The following CACNA2D1 variants were observed in gnomAD, a reference collection of about 807,000 sequenced individuals.
The protein encoded by CACNA2D1 is voltage-dependent calcium channel subunit alpha-2/delta-1.
A neutral mutation model predicts 171.5 loss-of-function variants in CACNA2D1; 53 were observed. That is an observed-to-expected ratio of 0.31 (90% CI 0.25 to 0.39). CACNA2D1 has a LOEUF of 0.39. Ranked by LOEUF, CACNA2D1 falls within the 10% of genes least tolerant of loss-of-function variation. The pLI is 1.00. For synonymous variants in CACNA2D1, 442 were observed against 443.1 expected (o/e 1.00, Z 0.03); for missense variants, 903 against 1,299.8 (o/e 0.69, Z 4.69).
At chr7:81,986,189 C>T (rs1415107036) in intron 21 of CACNA2D1, among the ~76,000 whole-genome samples, 1 of 152,122 alleles carries the variant, frequency 6.6e-6, no homozygotes, top group Admixed American at 6.6e-5. Context: ...AGTGGGTTTA[C>T]CTCTAAAATG....
chr7:82,122,051 T>C (rs939746743), intron 5 of CACNA2D1, among the ~76,000 whole-genome samples: 1 of 152,162 alleles, frequency 6.6e-6, no homozygotes, highest in African/African-American at 2.4e-5. Context: ...TCATGTATTA[T>C]TCTACTAATA....
In CACNA2D1 at chr7:82,438,889, T is replaced by C. The variant is rs986123429; in HGVS notation, c.95+4476A>G. Among the ~76,000 whole-genome samples, 3 of 152,202 alleles carry C rather than the reference T, an allele frequency of 2.0e-5. No homozygotes were observed. The East Asian group carries it at 5.8e-4, about 29-fold the overall frequency. ...CGTTGTCATTTTAATAACAATAAAA[T>C]GTTACTTTTTTGAAATACTGAAATT... On this transcript the variant is annotated intron_variant, in intron 1 of 38. Transcript: ENST00000356860.
At chr7:82,046,911 A>G (rs1804621882) in intron 10 of CACNA2D1, among the ~76,000 whole-genome samples, 1 of 152,196 alleles carries the variant, frequency 6.6e-6, no homozygotes, top group African/African-American at 2.4e-5. Context: ...GGATTTCTGA[A>G]TAAGTCCCAA....
intron 3 of CACNA2D1, among the ~76,000 whole-genome samples, chr7:82,204,918 A>G (rs1799856535): frequency 6.6e-6 from 1 of 152,052 alleles, no homozygotes; most frequent in Non-Finnish European, 1.5e-5. Context: ...CTGGTGCACA[A>G]CTCCACTCAT....
At chr7:82,187,606 C>A (rs183705324) in intron 3 of CACNA2D1, among the ~76,000 whole-genome samples, 13 of 152,156 alleles carry the variant, frequency 8.5e-5, no homozygotes, top group African/African-American at 2.6e-4. Context: ...AGCTGATAGC[C>A]ATCAATGAAT....
rs1812355399 is a variant in CACNA2D1 at position 82,099,419 on chromosome 7, CTTCTTTTTT to C, written c.527-14528_527-14520del. ...CATACTCTAAAACAGGTAGCAATAC[CTTCTTTTTT>C]TTTTTTTTTTTTTTTTTTTTTTTTT... On this transcript the variant is annotated intron_variant, in intron 6 of 38. Transcript: ENST00000356860. Among the ~76,000 whole-genome samples, 18 of 50,530 alleles carry C rather than the reference CTTCTTTTTT, an allele frequency of 3.6e-4. 5 individuals are homozygous for C. The highest frequency in any genetic ancestry group is 2.5e-4 in the Admixed American group (1 of 3,952). 33.1% of individuals were successfully genotyped at this position (50,530 alleles called of 152,430 possible).
chr7:82,107,331 A>C (rs947517374), intron 6 of CACNA2D1, among the ~76,000 whole-genome samples: 1 of 152,050 alleles, frequency 6.6e-6, no homozygotes, highest in Non-Finnish European at 1.5e-5. Flanking sequence ...GAAATCCAAA[A>C]CAAAGAGTCA....
At chr7:82,066,613 A>G in intron 7 of CACNA2D1, 89 bp from the exon 8 acceptor site, 1 of 1,488,174 alleles carries the variant, frequency 6.7e-7, no homozygotes, top group Non-Finnish European at 8.9e-7. Context: ...AAAAAGCAAT[A>G]GATACATAAT....
At chr7:82,397,910 G>A (rs1825914543) in intron 1 of CACNA2D1, among the ~76,000 whole-genome samples, 1 of 152,212 alleles carries the variant, frequency 6.6e-6, no homozygotes, top group Admixed American at 6.5e-5. Context: ...GACAATAAAA[G>A]GGGAAAAGAG....
chr7:82,087,560 TAA>T (rs34472151), intron 6 of CACNA2D1, among the ~76,000 whole-genome samples: 86,950 of 144,740 alleles, frequency 0.6, 25,868 homozygotes, highest in African/African-American at 0.66. Context: ...TGAAAGCAGC[TAA>T]AAAAAAAAAA....
At chr7:82,148,146 G>C (rs1295016210) in intron 4 of CACNA2D1, among the ~76,000 whole-genome samples, 6 of 152,132 alleles carry the variant, frequency 3.9e-5, no homozygotes, top group African/African-American at 1.4e-4. Flanking sequence ...TTCTGTGAAA[G>C]TGGTAACAGC....
At chr7:82,248,725 T>C (rs1317678003) in intron 3 of CACNA2D1, among the ~76,000 whole-genome samples, 1 of 151,948 alleles carries the variant, frequency 6.6e-6, no homozygotes, top group African/African-American at 2.4e-5. Flanking sequence ...AATCCTGCTA[T>C]AGTACCATTG....
intron 3 of CACNA2D1, among the ~76,000 whole-genome samples, chr7:82,310,268 T>C (rs1221008993): frequency 6.6e-6 from 1 of 151,828 alleles, no homozygotes; most frequent in Non-Finnish European, 1.5e-5. Context: ...TAATTCTATA[T>C]GCAATGTGTA....
rs557847471 is a variant in CACNA2D1, at chr7:81,951,495, ACTCCCATTC to A, written c.3160-996_3160-988del. On this transcript the variant is annotated intron_variant, in intron 38 of 38. Transcript: ENST00000356860. ...GAATGTATGTAGTACTTTATCCCTT[ACTCCCATTC>A]CTCCCAAGTCCCCAAAGTCCATTAT... Among the ~76,000 whole-genome samples the A allele has an allele frequency of 1.3e-3, 191 of 151,708 alleles. 4 individuals are homozygous for A. The highest frequency in any genetic ancestry group is 7.8e-3 in the East Asian group (40 of 5,128).
intron 6 of CACNA2D1, among the ~76,000 whole-genome samples, chr7:82,103,243 G>A (rs1318675918): frequency 1.3e-5 from 2 of 152,058 alleles, no homozygotes; most frequent in Non-Finnish European, 1.5e-5. Context: ...GGAGGTGGAG[G>A]TTGCAGTGAG....
At chr7:82,406,660 T>C (rs150914307) in intron 1 of CACNA2D1, among the ~76,000 whole-genome samples, 3,158 of 152,324 alleles carry the variant, frequency 0.021, 109 homozygotes, top group East Asian at 0.12. Flanking sequence ...TGAGCATTTT[T>C]TCATGTGTCT....
At chr7:82,377,631 G>A (rs1352643999) in intron 1 of CACNA2D1, among the ~76,000 whole-genome samples, 1 of 152,090 alleles carries the variant, frequency 6.6e-6, no homozygotes, top group Non-Finnish European at 1.5e-5. Context: ...TAATAATCAA[G>A]AGTCACTGTG....
At chr7:82,366,670 T>C (rs1051717062) in intron 1 of CACNA2D1, among the ~76,000 whole-genome samples, 2 of 152,170 alleles carry the variant, frequency 1.3e-5, no homozygotes, top group Admixed American at 6.5e-5. Flanking sequence ...TGAATAGCAC[T>C]GCAATGAACA....
In CACNA2D1 at chr7:82,054,357, G is replaced by C. The variant is rs537864214; in HGVS notation, c.879+6071C>G. 2.6e-5 allele frequency among the ~76,000 whole-genome samples: 4 copies of C among 152,248 alleles called. No individual in the cohort carries two copies. In the South Asian group the frequency reaches 8.3e-4, roughly 32 times the overall value. On this transcript the variant is annotated intron_variant, in intron 10 of 38. Transcript: ENST00000356860. ...CCTCTGCTGTTGCACATGGTGGTCT[G>C]GGAATGCCAGAGAATTAACATTACT...
Sources: allele counts gnomAD v4.1 joint callset (sites outside exome capture counted in the v4.1 genomes callset), GRCh38; gene constraint gnomAD v4.1.1; transcripts MANE v1.5; gene names NCBI Gene and HGNC (gene_info 2026-07-23, HGNC 2026-07-21).